Variants in HIBCH observed in about 807,000 individuals in gnomAD.
HIBCH encodes 3-hydroxyisobutyryl-CoA hydrolase, mitochondrial.
In HIBCH, 50 loss-of-function variants were observed where a neutral mutation model predicts 58.2. That is an observed-to-expected ratio of 0.86 (90% CI 0.68 to 1.09). The LOEUF (loss-of-function observed/expected upper bound fraction) is 1.09, where lower values mean the gene tolerates loss of function less well. HIBCH is among the 50% of genes least tolerant of loss of function. The probability of loss-of-function intolerance (pLI) is 0.00; values close to 1 mark genes in which losing one functional copy is unlikely to be tolerated. For missense variants in HIBCH, 450 were observed against 449.7 expected (o/e 1.00, Z -0.01); for synonymous variants, 151 against 146.9 (o/e 1.03, Z -0.20).
chr2:190,286,611 G>A (rs1166910753), intron 6 of HIBCH, among the ~76,000 whole-genome samples: 1 of 152,136 alleles, frequency 6.6e-6, no homozygotes, highest in Non-Finnish European at 1.5e-5. Context: ...CTTCTTCAAA[G>A]GCTAATCTTT....
intron 11 of HIBCH, among the ~76,000 whole-genome samples, chr2:190,222,330 T>A (rs900573637): frequency 5.3e-5 from 8 of 151,988 alleles, no homozygotes; most frequent in Non-Finnish European, 1.2e-4. Flanking sequence ...CTACAGTTAC[T>A]GCCCATGAAG....
At chr2:190,224,726 C>T (rs961148302) in intron 11 of HIBCH, among the ~76,000 whole-genome samples, 9 of 152,088 alleles carry the variant, frequency 5.9e-5, no homozygotes, top group African/African-American at 2.2e-4. Context: ...GGCAGATCAA[C>T]GAGACAGAAA....
At position 190,290,507 on chromosome 2, in the gene HIBCH, T is replaced by TA. The variant is rs57377277; in HGVS notation, c.305-23dup. The TA allele has an allele frequency of 0.016, 18,571 of 1,173,592 alleles. 163 individuals are homozygous for TA. The highest frequency in any genetic ancestry group is 0.082 in the African/African-American group (5,098 of 62,146). 72.7% of individuals were successfully genotyped at this position (1,173,592 alleles called of 1,614,324 possible). ...ATCACTAGGAAGGAAAGATTACAAA[T>TA]AAAAAAAAAAAGATTTAATAGTCAA... is the stretch of plus-strand genomic sequence containing the variant. On this transcript the variant is annotated intron_variant, in intron 4 of 13. Transcript: ENST00000359678.
intron 10 of HIBCH, chr2:190,245,490 A>C (rs1365917535): frequency 6.5e-6 from 1 of 154,552 alleles, no homozygotes; most frequent in African/African-American, 2.4e-5. Context: ...CACTGCACAA[A>C]ATCTTTTTGC....
At chr2:190,228,462 A>C (rs1394638911) in intron 11 of HIBCH, among the ~76,000 whole-genome samples, 1 of 151,712 alleles carries the variant, frequency 6.6e-6, no homozygotes, top group Admixed American at 6.6e-5. Context: ...ATGATGAGTT[A>C]ATGGGTGCAG....
At chr2:190,308,311 T>A (rs1472934600) in intron 2 of HIBCH, among the ~76,000 whole-genome samples, 2 of 152,154 alleles carry the variant, frequency 1.3e-5, no homozygotes, top group Non-Finnish European at 2.9e-5. Flanking sequence ...CCTCCATGTA[T>A]AACAGCTGAA....
At chr2:190,302,605 T>C (rs1688293905) in intron 2 of HIBCH, among the ~76,000 whole-genome samples, 1 of 152,174 alleles carries the variant, frequency 6.6e-6, no homozygotes. Flanking sequence ...AAATTTCGGC[T>C]GGTTTCTGTT....
intron 1 of HIBCH, among the ~76,000 whole-genome samples, chr2:190,318,930 G>C (rs879780614): frequency 3.3e-5 from 5 of 152,176 alleles, no homozygotes; most frequent in Non-Finnish European, 5.9e-5. Context: ...TTCTTCTTAA[G>C]TCAAGGAAAC....
downstream of HIBCH, chr2:190,200,191 GAATA>G: frequency 6.5e-7 from 1 of 1,549,178 alleles, no homozygotes; most frequent in East Asian, 2.3e-5. Context: ...GTGCTAGTTT[GAATA>G]AATGTGACAA....
At chr2:190,199,572 CTGTT>C (rs1173233950), downstream of HIBCH, 2 of 380,732 alleles carry the variant, frequency 5.3e-6, no homozygotes, top group East Asian at 5.1e-5. Flanking sequence ...TAAGATAAAG[CTGTT>C]TGTTTTTACC....
intron 7 of HIBCH, among the ~76,000 whole-genome samples, chr2:190,253,391 T>C (rs538889825): frequency 6.6e-6 from 1 of 152,302 alleles, no homozygotes; most frequent in South Asian, 2.1e-4. Flanking sequence ...AAAAAAGTTC[T>C]AGACTTAAAA....
rs551917804 is a variant in HIBCH at position 190,254,178 on chromosome 2, G to A, written c.518-1871C>T. ...GTCCTATGTTGAAGCCCTAACCCTCGATGTAACTGCATTTGGAAGCAGGGC... is the reference window on the plus strand; with the variant it reads ...GTCCTATGTTGAAGCCCTAACCCTCAATGTAACTGCATTTGGAAGCAGGGC... On this transcript the variant is annotated intron_variant, in intron 7 of 13. Coordinates refer to ENST00000359678, the MANE Select transcript of HIBCH (RefSeq NM_014362.4). The surrounding 1 kb of genome is among the most constrained non-coding windows in gnomAD (Gnocchi z 5.0). 3.2e-4 allele frequency among the ~76,000 whole-genome samples: 48 copies of A among 152,116 alleles called. No homozygotes were observed. The highest frequency in any genetic ancestry group is 3.4e-3 in the Middle Eastern group (1 of 294).
At chr2:190,251,271 A>T (rs1396597971) in intron 8 of HIBCH, among the ~76,000 whole-genome samples, 1 of 152,098 alleles carries the variant, frequency 6.6e-6, no homozygotes, top group South Asian at 2.1e-4. Context: ...TTAAGATCTG[A>T]TCAGCTATTC....
At chr2:190,314,542 G>A (rs996744428) in intron 1 of HIBCH, among the ~76,000 whole-genome samples, 6 of 151,794 alleles carry the variant, frequency 4.0e-5, no homozygotes, top group Admixed American at 1.3e-4. Context: ...GCAGTGGCAC[G>A]ATCTCAGCTC....
chr2:190,319,525 G>C (rs181365818), intron 1 of HIBCH, among the ~76,000 whole-genome samples, 191 bp downstream of exon 1: 2 of 151,984 alleles, frequency 1.3e-5, no homozygotes, highest in African/African-American at 4.8e-5. Flanking sequence ...CTGCAAAGAA[G>C]ATGCTAGAGG....
intron 6 of HIBCH, among the ~76,000 whole-genome samples, chr2:190,262,069 C>A: frequency 6.7e-6 from 1 of 149,508 alleles, no homozygotes; most frequent in East Asian, 2.0e-4. Context: ...AGTTGTCAGT[C>A]GATGACAGGC....
At chr2:190,247,155 G>T (rs1415715308) in intron 9 of HIBCH, among the ~76,000 whole-genome samples, 2 of 151,730 alleles carry the variant, frequency 1.3e-5, no homozygotes, top group African/African-American at 4.8e-5. Flanking sequence ...AAACTCTAAG[G>T]GTTGTTTTTT....
At chr2:190,311,058 C>A in intron 1 of HIBCH, 3 of 629,498 alleles carry the variant, frequency 4.8e-6, no homozygotes, top group Non-Finnish European at 5.9e-6. Flanking sequence ...GAAGACAAAC[C>A]AATTTCAATA....
rs2105976103 is a variant in HIBCH at position 190,281,743 on chromosome 2, C to T, written c.438+5843G>A. Among the ~76,000 whole-genome samples the T allele has an allele frequency of 6.6e-6, 1 of 152,262 alleles. No homozygotes were observed. The highest frequency in any genetic ancestry group is 2.1e-4 in the South Asian group (1 of 4,824). On this transcript the variant is annotated intron_variant, in intron 6 of 13. Coordinates refer to ENST00000359678, the MANE Select transcript of HIBCH (RefSeq NM_014362.4). This position sits in a 1 kb window ranked among gnomAD's most constrained non-coding sequence, Gnocchi z 5.4. The stretch of plus-strand genomic sequence containing the variant: ...TCTTCAGTCATTTTTTTCCCTCTCA[C>T]AGCTTTATGTAAGCTATTAAAAGTA...
Sources: gnomAD v4.1 joint callset for allele counts (sites outside exome capture counted in the v4.1 genomes callset) on GRCh38, gnomAD v4.1.1 for gene constraint, Gnocchi (gnomAD v3.1) non-coding constraint, MANE v1.5 for transcripts, NCBI Gene and HGNC (gene_info 2026-07-23, HGNC 2026-07-21) for gene names.